The following ZNF423 variants were observed in gnomAD, a reference collection of about 807,000 sequenced individuals.
ZNF423 encodes zinc finger protein 423, also known as Ebf-associated zinc finger protein.
In ZNF423, 12 loss-of-function variants were observed where a neutral mutation model predicts 95.8. The ratio of observed to expected loss-of-function variants is 0.13; its 90% confidence interval spans 0.08 to 0.20. ZNF423 has a LOEUF of 0.20. Ranked by LOEUF, ZNF423 falls within the 10% of genes least tolerant of loss-of-function variation. ZNF423 has a pLI of 1.00. For synonymous variants in ZNF423, 749 were observed against 711.9 expected (o/e 1.05, Z -0.83); for missense variants, 1,316 against 1,737.1 (o/e 0.76, Z 4.31).
intron 1 of ZNF423, among the ~76,000 whole-genome samples, chr16:49,850,976 G>T (rs1281916995): frequency 6.6e-6 from 1 of 152,174 alleles, no homozygotes; most frequent in African/African-American, 2.4e-5. Context: ...GTGGGAGCAA[G>T]AACTATCTCT....
At chr16:49,672,708 C>T (rs888212608) in intron 3 of ZNF423, among the ~76,000 whole-genome samples, 3 of 152,096 alleles carry the variant, frequency 2.0e-5, no homozygotes, top group African/African-American at 4.8e-5. Context: ...CCCAGCTACT[C>T]GCGAGGCTGA....
intron 3 of ZNF423, among the ~76,000 whole-genome samples, chr16:49,704,205 G>C (rs1457526217): frequency 6.6e-6 from 1 of 152,092 alleles, no homozygotes; most frequent in Non-Finnish European, 1.5e-5. Context: ...GGGGCATAAA[G>C]AACTGAAAAG....
At chr16:49,702,778 G>T (rs1351755619) in intron 3 of ZNF423, among the ~76,000 whole-genome samples, 2 of 152,240 alleles carry the variant, frequency 1.3e-5, no homozygotes, top group South Asian at 4.1e-4. Flanking sequence ...GGGCCAGGCT[G>T]GGGCCCTGGG....
intron 5 of ZNF423, among the ~76,000 whole-genome samples, chr16:49,585,543 T>G (rs1970805115): frequency 6.6e-6 from 1 of 152,262 alleles, no homozygotes; most frequent in African/African-American, 2.4e-5. Flanking sequence ...CTGCCTGTGC[T>G]ACAGAGAGCA....
chr16:49,702,444 G>A (rs986797274), intron 3 of ZNF423, among the ~76,000 whole-genome samples: 8 of 152,210 alleles, frequency 5.3e-5, no homozygotes, highest in East Asian at 1.9e-4. Context: ...CAGCTGTGAC[G>A]GCCCTTGTAT....
intron 5 of ZNF423, among the ~76,000 whole-genome samples, chr16:49,606,523 G>A (rs1971541972): frequency 6.6e-6 from 1 of 152,238 alleles, no homozygotes; most frequent in African/African-American, 2.4e-5. Flanking sequence ...TGGTAGCCCT[G>A]ATGGACTGGG....
intron 3 of ZNF423, among the ~76,000 whole-genome samples, chr16:49,691,630 G>T (rs2031785081): frequency 1.3e-5 from 2 of 152,068 alleles, no homozygotes; most frequent in Non-Finnish European, 1.5e-5. Context: ...TACTCAGGAG[G>T]CTGAGGCAGG....
chr16:49,781,007 C>G (rs1021521041), intron 2 of ZNF423, among the ~76,000 whole-genome samples: 1 of 152,222 alleles, frequency 6.6e-6, no homozygotes, highest in Non-Finnish European at 1.5e-5. Context: ...GCATGCACCA[C>G]GGGCCACAGC....
intron 1 of ZNF423, among the ~76,000 whole-genome samples, chr16:49,842,872 G>A (rs185850735): frequency 7.9e-5 from 12 of 151,976 alleles, no homozygotes; most frequent in Non-Finnish European, 1.2e-4. Context: ...CCAGCTACTC[G>A]GGAGGCTGAG....
chr16:49,529,295 C>T (rs772264391), intron 5 of ZNF423, among the ~76,000 whole-genome samples: 27 of 151,948 alleles, frequency 1.8e-4, no homozygotes, highest in Non-Finnish European at 2.9e-5. Context: ...ACAAGGAAAT[C>T]TATTGATTTA....
intron 2 of ZNF423, among the ~76,000 whole-genome samples, chr16:49,761,957 A>G (rs2033840359): frequency 6.6e-6 from 1 of 152,166 alleles, no homozygotes; most frequent in South Asian, 2.1e-4. Context: ...AGCTAGGACT[A>G]CAGGAGCATG....
chr16:49,829,231 T>G (rs1303400092), intron 1 of ZNF423, among the ~76,000 whole-genome samples: 2 of 152,206 alleles, frequency 1.3e-5, no homozygotes, highest in Admixed American at 1.3e-4. Context: ...GGCTCCCAGA[T>G]CAGCCTTACA....
At chr16:49,657,553 T>A (rs1411113186) in intron 3 of ZNF423, among the ~76,000 whole-genome samples, 1 of 152,206 alleles carries the variant, frequency 6.6e-6, no homozygotes, top group Non-Finnish European at 1.5e-5. Context: ...GGGGAGGTGA[T>A]GCCCCCAGGG....
At chr16:49,640,381 T>C (rs1010469345) in intron 3 of ZNF423, among the ~76,000 whole-genome samples, 2 of 152,042 alleles carry the variant, frequency 1.3e-5, no homozygotes, top group African/African-American at 4.8e-5. Context: ...AACTTAAATA[T>C]ACATGCACAC....
intron 3 of ZNF423, among the ~76,000 whole-genome samples, chr16:49,676,889 C>T (rs1337609421): frequency 6.6e-6 from 1 of 152,114 alleles, no homozygotes; most frequent in Non-Finnish European, 1.5e-5. Flanking sequence ...TGGCCCTGGA[C>T]CAGCAACTCA....
In ZNF423 at chr16:49,502,826, C is replaced by A. The variant is rs146808205; in HGVS notation, c.3850-11522G>T. Among the ~76,000 whole-genome samples, 521 of 147,798 alleles carry A rather than the reference C, an allele frequency of 3.5e-3. 1 individual carries two copies. Among genetic ancestry groups the A allele is most frequent in the Admixed American group, 6.2e-3 (93 of 14,882 alleles). ...ACACACACACACACACACCTGCCCC[C>A]GTCATGTGCCCACCCTCCCCACACA... On this transcript the variant is annotated intron_variant, in intron 7 of 7. Coordinates refer to ENST00000563137, the MANE Select transcript of ZNF423 (RefSeq NM_001379286.1).
At chr16:49,823,174 T>G (rs1421639637) in intron 1 of ZNF423, among the ~76,000 whole-genome samples, 1 of 152,160 alleles carries the variant, frequency 6.6e-6, no homozygotes, top group Non-Finnish European at 1.5e-5. Context: ...AGCCCTTGGA[T>G]GGAAACTCAA....
At chr16:49,817,306 G>A (rs561582742) in intron 1 of ZNF423, among the ~76,000 whole-genome samples, 1 of 152,310 alleles carries the variant, frequency 6.6e-6, no homozygotes, top group East Asian at 1.9e-4. Context: ...CTTAGGTCTA[G>A]ACAACAGAAA....
At position 49,600,150 on chromosome 16, in the gene ZNF423, A is replaced by G. The variant is rs567949454; in HGVS notation, c.3601+26020T>C. ...AACATGGTGAAACCCTGTCTCTACCAAAAATACAAAAATCAGCCAGACATG... is the reference window on the plus strand; with the variant it reads ...AACATGGTGAAACCCTGTCTCTACCGAAAATACAAAAATCAGCCAGACATG... On this transcript the variant is annotated intron_variant, in intron 5 of 7. Coordinates refer to ENST00000563137, the MANE Select transcript of ZNF423 (RefSeq NM_001379286.1). 2.6e-5 allele frequency among the ~76,000 whole-genome samples: 4 copies of G among 151,992 alleles called. No individual in the cohort carries two copies. In the East Asian group the frequency reaches 7.9e-4, roughly 30 times the overall value.
Sources: gnomAD v4.1 joint callset for allele counts (sites outside exome capture counted in the v4.1 genomes callset) on GRCh38, gnomAD v4.1.1 for gene constraint, MANE v1.5 for transcripts, NCBI Gene and HGNC (gene_info 2026-07-23, HGNC 2026-07-21) for gene names.